TFB1M: variants seen among roughly 807,000 people sequenced by gnomAD.
The protein encoded by TFB1M is dimethyladenosine transferase 1, mitochondrial.
A neutral mutation model predicts 31.1 loss-of-function variants in TFB1M; 27 were observed. The ratio of observed to expected loss-of-function variants is 0.87; its 90% CI spans 0.64 to 1.20. TFB1M has a LOEUF of 1.20. TFB1M is among the 50% of genes most tolerant of loss of function. The pLI, the probability that TFB1M is intolerant of heterozygous loss-of-function variation, is 0.00. For missense variants in TFB1M, 394 were observed against 418.7 expected (o/e 0.94, Z 0.51); for synonymous variants, 166 against 151.8 (o/e 1.09, Z -0.69).
At chr6:155,299,037 C>T (rs971977333) in intron 2 of TFB1M, among the ~76,000 whole-genome samples, 1 of 152,134 alleles carries the variant, frequency 6.6e-6, no homozygotes, top group African/African-American at 2.4e-5. Flanking sequence ...TATATATCAT[C>T]AAGATCTTTA....
At chr6:155,279,564 A>G (rs1350665767) in intron 5 of TFB1M, among the ~76,000 whole-genome samples, 2 of 152,192 alleles carry the variant, frequency 1.3e-5, no homozygotes, top group East Asian at 3.8e-4. Flanking sequence ...GGATGTGGAC[A>G]ATGTTTTCTC....
Position 155,257,077 on chromosome 6 carries a change from A to G in TFB1M, c.*759T>C. On this transcript the variant is annotated 3_prime_UTR_variant, in exon 7 of 7. Coordinates refer to ENST00000367166, the MANE Select transcript of TFB1M (RefSeq NM_016020.4). ...TGTCCAGAGTTTAACATCTGTTGTC[A>G]GTGAGGAGTGTTTTTATGAAACAGA... 6.2e-7 allele frequency: 1 copy of G among 1,613,174 alleles called. No individual in the cohort carries two copies. Among genetic ancestry groups the G allele is most frequent in the Non-Finnish European group, 8.5e-7 (1 of 1,179,518 alleles).
chr6:155,272,615 G>C (rs925176571), intron 5 of TFB1M, among the ~76,000 whole-genome samples: 4 of 151,968 alleles, frequency 2.6e-5, no homozygotes, highest in African/African-American at 9.7e-5. Context: ...TTATACTCGT[G>C]GCTGGAGGGT....
In TFB1M at chr6:155,257,208, AAAAC is replaced by A; in HGVS notation, c.*624_*627del. On this transcript the variant is annotated 3_prime_UTR_variant, in exon 7 of 7. Coordinates refer to ENST00000367166, the MANE Select transcript of TFB1M (RefSeq NM_016020.4). ...GAAATTGCAAAAAAAAAAAAAAAAA[AAAAC>A]TGTTCATTCCTGGGTTTTGTGCAGT... is the stretch of plus-strand genomic sequence containing the variant. The A allele has an allele frequency of 7.4e-7, 1 of 1,352,978 alleles. No individual in the cohort carries two copies. Among genetic ancestry groups the A allele is most frequent in the East Asian group, 2.4e-5 (1 of 41,464 alleles). 83.8% of individuals were successfully genotyped at this position (1,352,978 alleles called of 1,614,324 possible).
In TFB1M at chr6:155,263,030, A is replaced by C. The variant is rs115243991; in HGVS notation, c.667-2630T>G. Reference sequence around the variant, plus strand: ...GTTACTATTTAGTGGGAGATTCTGTAAAACTCAGCGTCAACAAAGCTCTTC... The same window carrying C: ...GTTACTATTTAGTGGGAGATTCTGTCAAACTCAGCGTCAACAAAGCTCTTC... On this transcript the variant is annotated intron_variant, in intron 5 of 6. Coordinates refer to ENST00000367166, the MANE Select transcript of TFB1M (RefSeq NM_016020.4). 7.6e-3 allele frequency among the ~76,000 whole-genome samples: 1,154 copies of C among 152,268 alleles called. 17 individuals are homozygous for C. The highest frequency in any genetic ancestry group is 0.026 in the African/African-American group (1,096 of 41,558).
chr6:155,240,677 G>T, the TFB1M span: 2 of 1,613,482 alleles, frequency 1.2e-6, no homozygotes, highest in Non-Finnish European at 8.5e-7. Flanking sequence ...AGTCATCCAG[G>T]AGCTTGTGGA....
the TFB1M span, among the ~76,000 whole-genome samples, chr6:155,241,681 T>C: frequency 6.6e-6 from 1 of 152,224 alleles, no homozygotes; most frequent in Admixed American, 6.5e-5. Flanking sequence ...CCAAAGCCCC[T>C]TCTTTTGGCC....
At position 155,256,629 on chromosome 6, in the gene TFB1M, G is replaced by T; in HGVS notation, c.*1207C>A. On this transcript the variant is annotated 3_prime_UTR_variant, in exon 7 of 7. Transcript: ENST00000367166. ...GCGGCTGCCCCACGGCTGAGGGCAG[G>T]CAGGACTCCAAGAGCACTTCTCCCG... 1 of 1,614,134 alleles carries T rather than the reference G, an allele frequency of 6.2e-7. No homozygotes were observed. Among genetic ancestry groups the T allele is most frequent in the South Asian group, 1.1e-5 (1 of 91,082 alleles).
intron 5 of TFB1M, among the ~76,000 whole-genome samples, chr6:155,261,253 G>A (rs573204975): frequency 2.2e-4 from 33 of 152,276 alleles, no homozygotes; most frequent in Non-Finnish European, 3.5e-4. Context: ...GGGAAGTCTC[G>A]TCATAATTGA....
At chr6:155,259,935 T>C (rs541630719) in intron 6 of TFB1M, among the ~76,000 whole-genome samples, 1 of 152,328 alleles carries the variant, frequency 6.6e-6, no homozygotes, top group Admixed American at 6.5e-5. Flanking sequence ...AAAGAAGAGA[T>C]AGGGCAACTC....
intron 5 of TFB1M, among the ~76,000 whole-genome samples, chr6:155,273,324 T>C (rs1785029247): frequency 6.6e-6 from 1 of 152,246 alleles, no homozygotes; most frequent in Non-Finnish European, 1.5e-5. Flanking sequence ...TTTTCTAAAA[T>C]GGTAAGATTT....
chr6:155,242,929 A>C, the TFB1M span, among the ~76,000 whole-genome samples: 1 of 151,244 alleles, frequency 6.6e-6, no homozygotes, highest in East Asian at 2.0e-4. Context: ...TTTTAGTAGA[A>C]ACAGGGTTTC....
At chr6:155,241,263 GC>G in the TFB1M span, among the ~76,000 whole-genome samples, 17 of 152,310 alleles carry the variant, frequency 1.1e-4, no homozygotes, top group Admixed American at 1.1e-3. Context: ...CATCTCATAA[GC>G]CCCCAGTCAG....
At chr6:155,250,973 T>TTTC in the TFB1M span, 1 of 1,614,218 alleles carries the variant, frequency 6.2e-7, no homozygotes, top group East Asian at 2.2e-5. Context: ...GTTGAATCCA[T>TTTC]TTCTGTCTCT....
the TFB1M span, chr6:155,240,663 G>A: frequency 1.4e-5 from 22 of 1,613,572 alleles, no homozygotes; most frequent in African/African-American, 4.0e-5. Context: ...GACCGCCTCC[G>A]CAAAGTCATC....
At position 155,256,888 on chromosome 6, in the gene TFB1M, C is replaced by G. The variant is rs201653955; in HGVS notation, c.*948G>C. 2.5e-6 allele frequency: 4 copies of G among 1,614,206 alleles called. No homozygotes were observed. The highest frequency in any genetic ancestry group is 2.5e-6 in the Non-Finnish European group (3 of 1,180,016). On this transcript the variant is annotated 3_prime_UTR_variant, in exon 7 of 7. Transcript: ENST00000367166. ...TGAGGGTCAGAAAGGAGGAGAGCAG[C>G]CCAAACTGGTCCGGGGGCACTTCTG... is the stretch of plus-strand genomic sequence containing the variant.
At chr6:155,313,820 G>A (rs1778122396) in intron 1 of TFB1M, among the ~76,000 whole-genome samples, 1 of 152,136 alleles carries the variant, frequency 6.6e-6, no homozygotes, top group Non-Finnish European at 1.5e-5. Context: ...GGCTTAGACT[G>A]AACAGGTAAA....
At chr6:155,313,070 A>T (rs1424681118) in intron 1 of TFB1M, 1 of 152,140 alleles carries the variant, frequency 6.6e-6, no homozygotes, top group Non-Finnish European at 1.5e-5. Flanking sequence ...CAACATAGTG[A>T]AACCCTGTCT....
the TFB1M span, among the ~76,000 whole-genome samples, chr6:155,236,319 G>C: frequency 3.9e-5 from 6 of 151,934 alleles, no homozygotes; most frequent in East Asian, 7.7e-4. Flanking sequence ...TAGACCAGCA[G>C]TTCTCATGCA....
Sources: allele counts gnomAD v4.1 joint callset (sites outside exome capture counted in the v4.1 genomes callset), GRCh38; gene constraint gnomAD v4.1.1; transcripts MANE v1.5; gene names NCBI Gene and HGNC (gene_info 2026-07-23, HGNC 2026-07-21).